The following DIAPH2 variants were observed in gnomAD, a reference collection of about 807,000 sequenced individuals.
The protein encoded by DIAPH2 is diaphanous related formin 2.
DIAPH2 carries 35 observed loss-of-function variants against 92.7 expected under a neutral mutation model. The observed-to-expected ratio is 0.38, with a 90% CI of 0.29 to 0.50. DIAPH2 has a LOEUF of 0.50. Among genes scored for constraint, DIAPH2 ranks in the 20% least tolerant of loss-of-function variants. DIAPH2 has a pLI of 0.94. For missense variants in DIAPH2, 701 were observed against 819.5 expected, an observed-to-expected ratio of 0.86 and a Z score of 1.77; for synonymous variants, 301 against 280.4, an observed-to-expected ratio of 1.07 and a Z score of -0.73.
intron 26 of DIAPH2, among the ~76,000 whole-genome samples, chrX:97,433,984 G>C (rs1344319882): frequency 2.7e-5 from 3 of 112,027 alleles, no homozygotes; most frequent in Non-Finnish European, 5.6e-5. Context: ...AACAGTGAGA[G>C]CTGGAGTTAG....
chrX:97,439,778 C>T (rs1322561580), intron 26 of DIAPH2, among the ~76,000 whole-genome samples: 1 of 107,701 alleles, frequency 9.3e-6, no homozygotes, highest in African/African-American at 3.4e-5. Context: ...GTGGGTGGGG[C>T]CACCTTAAGA....
Position 97,601,868 on chromosome X carries a change from G to A in DIAPH2, c.*2551G>A, listed in dbSNP as rs900222568. 8.9e-6 allele frequency: 1 copy of A among 112,269 alleles called. No individual in the cohort carries two copies. Among genetic ancestry groups the A allele is most frequent in the African/African-American group, 3.2e-5 (1 of 30,874 alleles). 9.3% of individuals were successfully genotyped at this position (112,269 alleles called of 1,213,427 possible). ...CATGCTCCCTCCAGAGGCTCTAGAG[G>A]AGAATCTTTCCTTGCCACGTCCACC... On this transcript the variant is annotated 3_prime_UTR_variant, in exon 27 of 27. Transcript: ENST00000324765.
At chrX:96,962,380 CA>C (rs2065862112) in intron 16 of DIAPH2, among the ~76,000 whole-genome samples, 1 of 25,717 alleles carries the variant, frequency 3.9e-5, no homozygotes, top group Non-Finnish European at 9.0e-5. Context: ...TATATATATA[CA>C]CATATATATA....
chrX:96,857,708 G>A lies in DIAPH2; in HGVS notation c.448-23871G>A, dbSNP rs185692924. Among the ~76,000 whole-genome samples the A allele has an allele frequency of 5.4e-4, 61 of 112,439 alleles. 1 individual carries two copies. The highest frequency in any genetic ancestry group is 6.6e-4 in the Non-Finnish European group (35 of 53,299). On this transcript the variant is annotated intron_variant, in intron 4 of 26. Transcript: ENST00000324765. ...TTAAAGAGAAAAAAACACTGACCCA[G>A]GAGTAGCCCAAACACCTGGATTGTG... is the stretch of plus-strand genomic sequence containing the variant.
intron 23 of DIAPH2, among the ~76,000 whole-genome samples, chrX:97,320,402 C>T (rs1206209882): frequency 9.1e-6 from 1 of 110,092 alleles, no homozygotes; most frequent in Non-Finnish European, 1.9e-5. Flanking sequence ...CTAGAACAAA[C>T]TGATCACCCT....
chrX:97,095,103 T>C (rs1055091367), intron 19 of DIAPH2, among the ~76,000 whole-genome samples: 2 of 26,365 alleles, frequency 7.6e-5, no homozygotes, highest in Non-Finnish European at 6.0e-5. Flanking sequence ...TTTTTCTTTT[T>C]TTTTTTTTTT....
chrX:97,214,160 T>G (rs1292964094), intron 22 of DIAPH2, among the ~76,000 whole-genome samples: 1 of 112,697 alleles, frequency 8.9e-6, no homozygotes, highest in Non-Finnish European at 1.9e-5. Flanking sequence ...AAGACCAATC[T>G]TCTGTTCTGA....
intron 26 of DIAPH2, among the ~76,000 whole-genome samples, chrX:97,493,331 G>A (rs1000621962): frequency 2.7e-5 from 3 of 110,492 alleles, no homozygotes; most frequent in African/African-American, 6.6e-5. Flanking sequence ...GCACAATCTC[G>A]GCTCACTGCA....
chrX:97,330,454 G>A (rs999131536), intron 23 of DIAPH2, among the ~76,000 whole-genome samples: 8 of 110,285 alleles, frequency 7.3e-5, no homozygotes, highest in Non-Finnish European at 1.5e-4. Context: ...TTATTTCATG[G>A]ATCATAATGT....
At chrX:97,204,121 G>A (rs376988570) in intron 22 of DIAPH2, among the ~76,000 whole-genome samples, 6 of 111,786 alleles carry the variant, frequency 5.4e-5, no homozygotes, top group East Asian at 2.8e-4. Flanking sequence ...AAAATTCAAC[G>A]TCATTTCATG....
chrX:96,736,564 G>A (rs1016215163), intron 2 of DIAPH2, among the ~76,000 whole-genome samples: 2 of 110,887 alleles, frequency 1.8e-5, no homozygotes, highest in African/African-American at 6.6e-5. Context: ...CCACCACCAC[G>A]CCTGGCCAAA....
intron 4 of DIAPH2, among the ~76,000 whole-genome samples, chrX:96,789,794 GCTTAAA>G (rs1432393130): frequency 9.0e-6 from 1 of 111,500 alleles, no homozygotes; most frequent in African/African-American, 3.3e-5. Flanking sequence ...AAAGTACAGG[GCTTAAA>G]CTCCACGTCT....
At chrX:97,191,356 G>A (rs904925063) in intron 22 of DIAPH2, among the ~76,000 whole-genome samples, 3 of 110,509 alleles carry the variant, frequency 2.7e-5, no homozygotes, top group Non-Finnish European at 3.8e-5. Flanking sequence ...AAAGAAAAAT[G>A]TATTGCTTCT....
At chrX:97,258,727 C>T (rs777504167) in intron 23 of DIAPH2, among the ~76,000 whole-genome samples, 84 of 105,541 alleles carry the variant, frequency 8.0e-4, no homozygotes, top group African/African-American at 2.8e-3. Flanking sequence ...AAAAATTAGC[C>T]GGTCGTGGTG....
intron 17 of DIAPH2, among the ~76,000 whole-genome samples, chrX:97,051,814 A>G (rs1307443708): frequency 1.8e-5 from 2 of 111,691 alleles, no homozygotes; most frequent in Non-Finnish European, 3.8e-5. Context: ...ACTTGGAGCA[A>G]TCTGATTTTT....
rs56405925 is a variant in DIAPH2, at chrX:97,063,033, C to CAAAAAAA, written c.2051-9895_2051-9889dup. ...TGAGCAATAGAGGGAAACTCTGTCT[C>CAAAAAAA]AAAAAAAAAAAAAAAAAAAGAAGGA... is the stretch of plus-strand genomic sequence containing the variant. On this transcript the variant is annotated intron_variant, in intron 17 of 26. Transcript: ENST00000324765. Among the ~76,000 whole-genome samples the CAAAAAAA allele has an allele frequency of 8.7e-5, 5 of 57,381 alleles. 1 individual carries two copies. The highest frequency in any genetic ancestry group is 1.1e-3 in the East Asian group (2 of 1,796). 49.8% of individuals were successfully genotyped at this position (57,381 alleles called of 115,157 possible).
intron 9 of DIAPH2, among the ~76,000 whole-genome samples, chrX:96,921,829 G>GT (rs768124120): frequency 9.3e-6 from 1 of 107,820 alleles, no homozygotes; most frequent in Admixed American, 1.0e-4. Context: ...GCACATACAC[G>GT]TATCTACATG....
At chrX:97,017,991 A>T (rs2066271964) in intron 17 of DIAPH2, among the ~76,000 whole-genome samples, 2 of 112,511 alleles carry the variant, frequency 1.8e-5, no homozygotes, top group Non-Finnish European at 3.7e-5. Context: ...GAGCAAGGAA[A>T]TTGCTGCTTG....
chrX:97,528,425 G>A (rs1320345076), intron 26 of DIAPH2: 1 of 112,394 alleles, frequency 8.9e-6, no homozygotes, highest in Non-Finnish European at 1.9e-5. Context: ...AGGAAGCACA[G>A]TGCCAGCGTC....
Sources: gnomAD v4.1 joint callset for allele counts (sites outside exome capture counted in the v4.1 genomes callset) on GRCh38, gnomAD v4.1.1 for gene constraint, MANE v1.5 for transcripts, NCBI Gene and HGNC (gene_info 2026-07-23, HGNC 2026-07-21) for gene names.